The following GABRA3 variants were observed in gnomAD, a reference collection of about 807,000 sequenced individuals.
GABRA3 encodes gamma-aminobutyric acid receptor subunit alpha-3.
Under a neutral mutation model 30.1 loss-of-function variants are expected in GABRA3, and 10 were observed. That is an observed-to-expected ratio of 0.33 (90% confidence interval 0.20 to 0.56). GABRA3 has a LOEUF of 0.56. Among genes scored for constraint, GABRA3 ranks in the 20% least tolerant of loss-of-function variants. GABRA3 has a pLI of 0.89. For synonymous variants in GABRA3, 151 were observed against 146.8 expected (o/e 1.03, Z -0.21); for missense variants, 233 against 392.0 (o/e 0.59, Z 3.42).
At position 152,199,226 on chromosome X, in the gene GABRA3, T is replaced by C. The variant is rs760205409; in HGVS notation, c.779-1441A>G. 2.7e-3 allele frequency among the ~76,000 whole-genome samples: 285 copies of C among 105,548 alleles called. 1 individual carries two copies. The highest frequency in any genetic ancestry group is 4.9e-3 in the Middle Eastern group (1 of 204). The allele number at this position is 105,548 out of a possible 115,157, so 91.7% of individuals were successfully genotyped here. ...CTAAAAATACAAAATATTAGCCGGG[T>C]GTGGTGGCGGGCACCTGTAGTCCCA... is the stretch of plus-strand genomic sequence containing the variant. On this transcript the variant is annotated intron_variant, in intron 7 of 9. Coordinates refer to ENST00000370314, the MANE Select transcript of GABRA3 (RefSeq NM_000808.4).
chrX:152,395,061 T>C (rs780950329), intron 1 of GABRA3, among the ~76,000 whole-genome samples: 1 of 110,526 alleles, frequency 9.0e-6, no homozygotes, highest in South Asian at 3.8e-4. Context: ...TAATCAAAAA[T>C]AACCATGCAA....
At chrX:152,203,988 C>T (rs1383514296) in intron 7 of GABRA3, among the ~76,000 whole-genome samples, 1 of 111,530 alleles carries the variant, frequency 9.0e-6, no homozygotes, top group Non-Finnish European at 1.9e-5. Context: ...TATTTTAATC[C>T]GTTTTTACAA....
At chrX:152,372,996 T>G (rs1928884102) in intron 1 of GABRA3, among the ~76,000 whole-genome samples, 1 of 111,842 alleles carries the variant, frequency 8.9e-6, no homozygotes, top group Non-Finnish European at 1.9e-5. Flanking sequence ...TTATTTGAGG[T>G]TCATGCCTCC....
intron 3 of GABRA3, among the ~76,000 whole-genome samples, chrX:152,338,704 T>C (rs773138450): frequency 8.9e-6 from 1 of 112,359 alleles, no homozygotes; most frequent in Non-Finnish European, 1.9e-5. Context: ...ATTTGATTAT[T>C]GTGTATGATG....
At chrX:152,180,807 A>G (rs754683671) in intron 9 of GABRA3, among the ~76,000 whole-genome samples, 37 of 111,970 alleles carry the variant, frequency 3.3e-4, no homozygotes, top group Non-Finnish European at 3.2e-4. Context: ...TCCTTTCTTC[A>G]TTGTGTGTTC....
chrX:152,364,206 G>C (rs949199086), intron 2 of GABRA3, among the ~76,000 whole-genome samples: 7 of 111,482 alleles, frequency 6.3e-5, no homozygotes, highest in Non-Finnish European at 1.1e-4. Flanking sequence ...AGATATTACA[G>C]AGGTGATTCA....
intron 3 of GABRA3, among the ~76,000 whole-genome samples, chrX:152,296,636 C>G (rs1386245092): frequency 9.0e-6 from 1 of 111,055 alleles, no homozygotes; most frequent in African/African-American, 3.3e-5. Flanking sequence ...ATGCTATTCC[C>G]TCTAGTGTCT....
chrX:152,220,448 A>T (rs942707489), intron 6 of GABRA3, among the ~76,000 whole-genome samples: 1 of 111,381 alleles, frequency 9.0e-6, no homozygotes, highest in East Asian at 2.8e-4. Context: ...CAGCTTTTCA[A>T]TCCATTCTGA....
intron 1 of GABRA3, among the ~76,000 whole-genome samples, chrX:152,371,394 T>A (rs1348875606): frequency 9.0e-6 from 1 of 111,239 alleles, no homozygotes; most frequent in African/African-American, 3.3e-5. Context: ...TACTTTAACC[T>A]TTTCCCTGTT....
chrX:152,214,894 C>T (rs1319998369), intron 6 of GABRA3, among the ~76,000 whole-genome samples: 1 of 108,945 alleles, frequency 9.2e-6, no homozygotes, highest in South Asian at 3.9e-4. Context: ...AGAAATGGTA[C>T]TGACTTTTGT....
At chrX:152,240,298 T>C (rs1938332344) in intron 5 of GABRA3, among the ~76,000 whole-genome samples, 1 of 101,246 alleles carries the variant, frequency 9.9e-6, no homozygotes, top group African/African-American at 4.1e-5. Flanking sequence ...AAAATTCTTT[T>C]CTTTAAGAAC....
intron 1 of GABRA3, among the ~76,000 whole-genome samples, chrX:152,439,035 G>A (rs756667000): frequency 6.3e-5 from 7 of 110,980 alleles, no homozygotes; most frequent in East Asian, 5.7e-4. Flanking sequence ...CATTAAAGAC[G>A]TTAATAATAA....
intron 9 of GABRA3, among the ~76,000 whole-genome samples, chrX:152,169,034 A>G (rs1936971331): frequency 8.9e-6 from 1 of 112,117 alleles, no homozygotes; most frequent in East Asian, 2.8e-4. Flanking sequence ...TCAGCCTCAG[A>G]CTAAGTGGCA....
At chrX:152,406,594 AT>A (rs887006541) in intron 1 of GABRA3, among the ~76,000 whole-genome samples, 1 of 100,953 alleles carries the variant, frequency 9.9e-6, no homozygotes, top group Non-Finnish European at 2.0e-5. Flanking sequence ...ATATATATAT[AT>A]TTTTATATGG....
At chrX:152,169,732 G>A (rs1252644103) in intron 9 of GABRA3, among the ~76,000 whole-genome samples, 2 of 111,660 alleles carry the variant, frequency 1.8e-5, no homozygotes, top group Non-Finnish European at 3.8e-5. Flanking sequence ...GGGTATAGAT[G>A]AGCTTCAGAA....
Position 152,267,492 on chromosome X carries a change from T to C in GABRA3, c.331-11494A>G, listed in dbSNP as rs142087458. ...AGTTTTCTTTTTTTGTGGCCTTGTA[T>C]GGTTTTAGCATTGGGGTAACATTGG... On this transcript the variant is annotated intron_variant, in intron 4 of 9. Transcript: ENST00000370314. Among the ~76,000 whole-genome samples, 755 of 111,858 alleles carry C rather than the reference T, an allele frequency of 6.7e-3. 8 individuals carry two copies. The highest frequency in any genetic ancestry group is 0.023 in the African/African-American group (708 of 30,865).
At chrX:152,300,206 T>C (rs1939606247) in intron 3 of GABRA3, among the ~76,000 whole-genome samples, 1 of 112,439 alleles carries the variant, frequency 8.9e-6, no homozygotes, top group Admixed American at 9.4e-5. Context: ...CAAGGCTGCA[T>C]AGCACAGACT....
At position 152,448,841 on chromosome X, in the gene GABRA3, A is replaced by G. The variant is rs761232061; in HGVS notation, c.-27+2305T>C. 1.1e-4 allele frequency among the ~76,000 whole-genome samples: 12 copies of G among 110,941 alleles called. No individual in the cohort carries two copies. The South Asian group carries it at 1.9e-3, about 18-fold the overall frequency. ...ACATCCTGGGGGCTTTAGAAGGACT[A>G]GTACTAACCAATTTCTGGTCTTTAG... is the stretch of plus-strand genomic sequence containing the variant. On this transcript the variant is annotated intron_variant, in intron 1 of 9. Transcript: ENST00000370314.
At chrX:152,278,515 G>T (rs1939134274) in intron 4 of GABRA3, among the ~76,000 whole-genome samples, 1 of 111,610 alleles carries the variant, frequency 9.0e-6, no homozygotes, top group African/African-American at 3.3e-5. Context: ...ATCATTGATG[G>T]ACATTTGGCT....
Sources: gnomAD v4.1 joint callset for allele counts (sites outside exome capture counted in the v4.1 genomes callset) on GRCh38, gnomAD v4.1.1 for gene constraint, MANE v1.5 for transcripts, NCBI Gene and HGNC (gene_info 2026-07-23, HGNC 2026-07-21) for gene names.